ZNF713: variants seen among roughly 807,000 people sequenced by gnomAD.
The protein encoded by ZNF713 is zinc finger protein 713.
A neutral mutation model predicts 28.7 loss-of-function variants in ZNF713; 21 were observed. That is an observed-to-expected ratio of 0.73 (90% confidence interval 0.52 to 1.05). The LOEUF (loss-of-function observed/expected upper bound fraction) is 1.05. Among genes scored for constraint, ZNF713 ranks in the 50% least tolerant of loss-of-function variants. The pLI is 0.00. For missense variants in ZNF713, 458 were observed against 532.4 expected (o/e 0.86, Z 1.37); for synonymous variants, 167 against 178.0 (o/e 0.94, Z 0.49).
rs1786429822 is a variant in ZNF713 at position 55,939,881 on chromosome 7, T to C, written c.1207T>C (p.Cys403Arg). 1.2e-6 allele frequency: 2 copies of C among 1,614,092 alleles called. No individual in the cohort carries two copies. The highest frequency in any genetic ancestry group is 1.3e-5 in the African/African-American group (1 of 75,046). Residue 403 changes from cysteine (C) to arginine (R), a missense_variant, in exon 7 of 7, where the codon TGC becomes CGC. Physicochemically the swap from Cys to Arg is radical, Grantham distance 180. Transcript: ENST00000429591. ...TGEKPYKCNE[C>R]GKAFSQSAHL... Reference sequence around the variant, plus strand: ...AGAGAAACCCTATAAATGTAATGAATGCGGGAAAGCCTTTAGCCAGAGTGC... The same window carrying C: ...AGAGAAACCCTATAAATGTAATGAACGCGGGAAAGCCTTTAGCCAGAGTGC...
In ZNF713 at chr7:55,907,098, T is replaced by C. The variant is rs1785693109; in HGVS notation, c.-456+719T>C. Among the ~76,000 whole-genome samples the C allele has an allele frequency of 2.6e-5, 4 of 152,196 alleles. No individual in the cohort carries two copies. In the South Asian group the frequency reaches 8.3e-4, roughly 32 times the overall value. On this transcript the variant is annotated intron_variant, in intron 2 of 6. Transcript: ENST00000429591. ...TAGATCCTGTTTCTGGGAATTTTTT[T>C]AGCCAGCTGAAGTCCCTTTTTAAAT...
At chr7:55,923,006 A>T (rs1468287628) in intron 4 of ZNF713, among the ~76,000 whole-genome samples, 156 bp from the exon 5 acceptor site, 1 of 152,194 alleles carries the variant, frequency 6.6e-6, no homozygotes, top group Non-Finnish European at 1.5e-5. Flanking sequence ...AAAGGTACTA[A>T]TTTTTTTAAA....
In ZNF713 at chr7:55,940,605, G is replaced by A; in HGVS notation, c.*599G>A. 1 of 965,870 alleles carries A rather than the reference G, an allele frequency of 1.0e-6. No individual in the cohort carries two copies. Among genetic ancestry groups the A allele is most frequent in the Non-Finnish European group, 1.2e-6 (1 of 812,652 alleles). 59.8% of individuals were successfully genotyped at this position (965,870 alleles called of 1,614,324 possible). On this transcript the variant is annotated 3_prime_UTR_variant, in exon 7 of 7. Coordinates refer to ENST00000429591, the MANE Select transcript of ZNF713 (RefSeq NM_182633.3). ...AATCAGAAGTCCTTATCCAGGCATG[G>A]TGGTGCACACCTGCAATCCCAGCTA...
At chr7:55,917,956 CAG>C (rs1372222219) in intron 4 of ZNF713, 1 of 442,046 alleles carries the variant, frequency 2.3e-6, no homozygotes, top group Non-Finnish European at 4.6e-6. Flanking sequence ...GTGAATGTGA[CAG>C]ATTGCATTTT....
At chr7:55,900,196 G>A (rs1169059521) in intron 1 of ZNF713, among the ~76,000 whole-genome samples, 1 of 152,176 alleles carries the variant, frequency 6.6e-6, no homozygotes, top group South Asian at 2.1e-4. Flanking sequence ...GGCCGGGCGT[G>A]GTGGCTCACC....
At chr7:55,919,508 T>TGTTTTTTTTTTTTG (rs1374286021) in intron 4 of ZNF713, among the ~76,000 whole-genome samples, 1 of 89,546 alleles carries the variant, frequency 1.1e-5, no homozygotes, top group African/African-American at 4.6e-5. Flanking sequence ...TTTTTTTTTT[T>TGTTTTTTTTTTTTG]TTTTTTTTTT....
rs61092452 is a variant in ZNF713 at position 55,932,890 on chromosome 7, C to CAAAAAAAAAA, written c.308-6081_308-6072dup. On this transcript the variant is annotated intron_variant, in intron 6 of 6. Coordinates refer to ENST00000429591, the MANE Select transcript of ZNF713 (RefSeq NM_182633.3). ...TGGGCGACAGAGCGAGACTCCGTCT[C>CAAAAAAAAAA]AAAAAAAAAAAAAAAAAAAAGAAGC... 2.1e-3 allele frequency among the ~76,000 whole-genome samples: 101 copies of CAAAAAAAAAA among 47,714 alleles called. 4 individuals are homozygous for CAAAAAAAAAA. The highest frequency in any genetic ancestry group is 4.4e-3 in the African/African-American group (50 of 11,246). The allele number at this position is 47,714 out of a possible 152,430, so 31.3% of individuals were successfully genotyped here. A position where few individuals can be genotyped will look rare whatever the true frequency, so the allele number is the denominator to read the frequency against.
At chr7:55,894,001 C>T (rs1025519689) in intron 1 of ZNF713, among the ~76,000 whole-genome samples, 3 of 152,156 alleles carry the variant, frequency 2.0e-5, no homozygotes, top group Non-Finnish European at 2.9e-5. Context: ...GAAACTTGTG[C>T]TTTTGAGGCC....
chr7:55,934,655 C>G (rs1400607073), intron 6 of ZNF713, among the ~76,000 whole-genome samples: 1 of 152,030 alleles, frequency 6.6e-6, no homozygotes, highest in Non-Finnish European at 1.5e-5. Context: ...CAAGCACATG[C>G]CACCACACCT....
chr7:55,890,644 G>GA (rs937243730), intron 1 of ZNF713, among the ~76,000 whole-genome samples: 1 of 152,000 alleles, frequency 6.6e-6, no homozygotes, highest in Non-Finnish European at 1.5e-5. Context: ...ATTATTACAA[G>GA]AAAAAATGTA....
intron 6 of ZNF713, among the ~76,000 whole-genome samples, chr7:55,936,933 G>A (rs150793804): frequency 1.5e-3 from 234 of 152,204 alleles, no homozygotes; most frequent in African/African-American, 5.4e-3. Context: ...AAGCCACTCC[G>A]CCATACAAAA....
intron 1 of ZNF713, among the ~76,000 whole-genome samples, chr7:55,900,946 CA>C (rs1785564365): frequency 6.6e-6 from 1 of 152,150 alleles, no homozygotes. Context: ...GCTGGGATTA[CA>C]GGCATGAGCC....
intron 1 of ZNF713, among the ~76,000 whole-genome samples, chr7:55,893,275 T>C (rs749477416): frequency 6.6e-6 from 1 of 152,168 alleles, no homozygotes; most frequent in African/African-American, 2.4e-5. Context: ...AGTTTATGCT[T>C]AGGAATGGAC....
At chr7:55,933,851 C>G (rs1055634409) in intron 6 of ZNF713, among the ~76,000 whole-genome samples, 1 of 151,980 alleles carries the variant, frequency 6.6e-6, no homozygotes, top group Non-Finnish European at 1.5e-5. Flanking sequence ...ACTATAGGTG[C>G]GCACCATCAC....
chr7:55,918,116 A>G (rs1205389259), intron 4 of ZNF713: 1 of 456,652 alleles, frequency 2.2e-6, no homozygotes, highest in South Asian at 1.5e-5. Context: ...TGTGACTTTC[A>G]AGGCAGATCA....
Position 55,940,093 on chromosome 7 carries a change from A to G in ZNF713, c.*87A>G, listed in dbSNP as rs1314499808. 6 of 1,478,998 alleles carry G rather than the reference A, an allele frequency of 4.1e-6. No homozygotes were observed. The highest frequency in any genetic ancestry group is 5.4e-6 in the Non-Finnish European group (6 of 1,121,026). 91.6% of individuals were successfully genotyped at this position (1,478,998 alleles called of 1,614,324 possible). A position where few individuals can be genotyped will look rare whatever the true frequency, so the allele number is the denominator to read the frequency against. On this transcript the variant is annotated 3_prime_UTR_variant, in exon 7 of 7. Coordinates refer to ENST00000429591, the MANE Select transcript of ZNF713 (RefSeq NM_182633.3). ...TATCCCATTCAATATCAAATTATTC[A>G]TAGTGGAGAGAAAGCTTATACATAA...
chr7:55,936,493 A>G (rs1374119410), intron 6 of ZNF713, among the ~76,000 whole-genome samples: 1 of 152,114 alleles, frequency 6.6e-6, no homozygotes, highest in African/African-American at 2.4e-5. Flanking sequence ...CCCAATTAAG[A>G]CAATAATTAT....
intron 4 of ZNF713, chr7:55,918,222 C>G (rs1177910602): frequency 1.0e-5 from 4 of 393,976 alleles, no homozygotes; most frequent in African/African-American, 6.2e-5. Flanking sequence ...CATGGAGAAG[C>G]CCATATGGAG....
chr7:55,908,135 GTTTTTTTTTTT>G (rs71015120), intron 2 of ZNF713, among the ~76,000 whole-genome samples: 1 of 54,658 alleles, frequency 1.8e-5, no homozygotes, highest in African/African-American at 6.0e-5. Context: ...ATCCGTTGTT[GTTTTTTTTTTT>G]TTTTTTTTTT....
Sources: allele counts gnomAD v4.1 joint callset (sites outside exome capture counted in the v4.1 genomes callset), GRCh38; gene constraint gnomAD v4.1.1; transcripts MANE v1.5; gene names NCBI Gene and HGNC (gene_info 2026-07-23, HGNC 2026-07-21).